PEX5L: variants seen among roughly 807,000 people sequenced by gnomAD.
PEX5L encodes the protein peroxisomal biogenesis factor 5 like.
In PEX5L, 30 loss-of-function variants were observed where a neutral mutation model predicts 84.0. The observed-to-expected ratio is 0.36, with a 90% CI of 0.27 to 0.48. The LOEUF is 0.48. Among genes scored for constraint, PEX5L ranks in the 20% least tolerant of loss-of-function variants. The pLI, the probability that PEX5L is intolerant of heterozygous loss-of-function variation, is 0.99. For synonymous variants in PEX5L, 270 were observed against 283.1 expected, an observed-to-expected ratio of 0.95 and a Z score of 0.46; for missense variants, 533 against 754.6, an observed-to-expected ratio of 0.71 and a Z score of 3.44.
intron 7 of PEX5L, among the ~76,000 whole-genome samples, chr3:179,870,339 C>A (rs757434542): frequency 1.3e-5 from 2 of 152,180 alleles, no homozygotes; most frequent in Admixed American, 6.5e-5. Flanking sequence ...GAGAACACAG[C>A]TTCTTCATCT....
chr3:179,911,375 G>C (rs1382808276), intron 2 of PEX5L, among the ~76,000 whole-genome samples: 7 of 152,128 alleles, frequency 4.6e-5, no homozygotes, highest in Admixed American at 3.9e-4. Flanking sequence ...CAAGGAGTTT[G>C]AGACTCAGAA....
At chr3:179,945,494 A>T (rs767924464) in intron 2 of PEX5L, among the ~76,000 whole-genome samples, 53 of 152,138 alleles carry the variant, frequency 3.5e-4, no homozygotes, top group Non-Finnish European at 6.9e-4. Flanking sequence ...CTACCACTTG[A>T]GGTTGTGATA....
chr3:179,998,910 C>G (rs903758771), intron 1 of PEX5L, among the ~76,000 whole-genome samples: 1 of 152,204 alleles, frequency 6.6e-6, no homozygotes, highest in South Asian at 2.1e-4. Context: ...AGACTAGGGT[C>G]TGGTTCACAG....
At chr3:179,829,862 C>T (rs1438161936) in intron 8 of PEX5L, among the ~76,000 whole-genome samples, 10 of 150,600 alleles carry the variant, frequency 6.6e-5, no homozygotes, top group Admixed American at 4.6e-4. Flanking sequence ...CTGCAACCTC[C>T]ACCTCCCGGG....
Position 180,007,598 on chromosome 3 carries a change from G to T in PEX5L, c.21+28981C>A, listed in dbSNP as rs561708881. On this transcript the variant is annotated intron_variant, in intron 1 of 14. Transcript: ENST00000467460. ...GCCCTAGCAGAAGTTCTCCATGAGG[G>T]CCCTGCCCCTGCAGCAAACTTTTGC... 6.7e-3 allele frequency among the ~76,000 whole-genome samples: 1,022 copies of T among 152,300 alleles called. 4 individuals are homozygous for T. The highest frequency in any genetic ancestry group is 0.011 in the Non-Finnish European group (731 of 68,034).
intron 2 of PEX5L, among the ~76,000 whole-genome samples, chr3:179,944,112 A>T (rs1358231254): frequency 6.6e-6 from 1 of 152,148 alleles, no homozygotes; most frequent in Non-Finnish European, 1.5e-5. Context: ...GGTCATCATG[A>T]TGTCCGGGTA....
intron 11 of PEX5L, among the ~76,000 whole-genome samples, chr3:179,810,569 T>C (rs1411616755): frequency 1.3e-5 from 2 of 152,148 alleles, no homozygotes; most frequent in Non-Finnish European, 2.9e-5. Flanking sequence ...TCTCATCCAG[T>C]AGGTCTACTG....
At chr3:180,035,253 T>C (rs1791799057) in intron 1 of PEX5L, among the ~76,000 whole-genome samples, 3 of 152,202 alleles carry the variant, frequency 2.0e-5, no homozygotes, top group African/African-American at 7.2e-5. Flanking sequence ...TCTTTGTTAA[T>C]TTTTTCAGCA....
At chr3:180,021,875 A>G (rs1418704739) in intron 1 of PEX5L, among the ~76,000 whole-genome samples, 1 of 152,248 alleles carries the variant, frequency 6.6e-6, no homozygotes, top group Non-Finnish European at 1.5e-5. Flanking sequence ...CATTTATTAA[A>G]ACACCAGAAT....
chr3:179,823,140 G>T (rs934816519), intron 8 of PEX5L, among the ~76,000 whole-genome samples: 3 of 152,102 alleles, frequency 2.0e-5, no homozygotes, highest in Non-Finnish European at 4.4e-5. Context: ...CAAAAATCAC[G>T]CACAATCGCA....
chr3:179,995,056 G>A (rs56344144), intron 1 of PEX5L, among the ~76,000 whole-genome samples: 8,984 of 146,162 alleles, frequency 0.061, 331 homozygotes, highest in Non-Finnish European at 0.092. Context: ...ATATATATAT[G>A]TAGTTATATA....
intron 2 of PEX5L, among the ~76,000 whole-genome samples, chr3:179,927,636 C>A (rs767165282): frequency 9.9e-5 from 15 of 151,980 alleles, no homozygotes; most frequent in Admixed American, 3.3e-4. Context: ...TGACTTTTTC[C>A]ATTTCATTTA....
intron 1 of PEX5L, among the ~76,000 whole-genome samples, chr3:180,007,634 A>C (rs770780682): frequency 5.3e-5 from 8 of 152,236 alleles, no homozygotes; most frequent in Non-Finnish European, 1.2e-4. Flanking sequence ...CTGGGCATCC[A>C]GGCATTTCCA....
chr3:179,973,134 T>C, intron 1 of PEX5L: 1 of 1,233,746 alleles, frequency 8.1e-7, no homozygotes, highest in Non-Finnish European at 1.0e-6. Flanking sequence ...GAAGTGCCTT[T>C]CCAAATATTG....
intron 8 of PEX5L, among the ~76,000 whole-genome samples, chr3:179,824,613 G>T (rs1458607001): frequency 6.7e-6 from 1 of 149,920 alleles, no homozygotes; most frequent in Non-Finnish European, 1.5e-5. Context: ...GGCTGAGGCA[G>T]GAGAATCACT....
chr3:179,991,526 C>T (rs1787375825), intron 1 of PEX5L, among the ~76,000 whole-genome samples: 6 of 152,118 alleles, frequency 3.9e-5, no homozygotes, highest in Admixed American at 3.9e-4. Flanking sequence ...CCCCTCTACT[C>T]ATCTCTGGGT....
intron 2 of PEX5L, among the ~76,000 whole-genome samples, chr3:179,954,702 A>G (rs1241636507): frequency 2.0e-5 from 3 of 152,156 alleles, no homozygotes; most frequent in African/African-American, 7.2e-5. Context: ...GGAGGCAGAC[A>G]GACCTGATTT....
At chr3:179,965,047 GTAAGAGTGA>G (rs1356718952) in intron 2 of PEX5L, among the ~76,000 whole-genome samples, 2 of 152,224 alleles carry the variant, frequency 1.3e-5, no homozygotes, top group Non-Finnish European at 2.9e-5. Context: ...TAACCACTGT[GTAAGAGTGA>G]TACACACACA....
chr3:179,907,125 A>T (rs1375861782), intron 2 of PEX5L, among the ~76,000 whole-genome samples: 1 of 152,102 alleles, frequency 6.6e-6, no homozygotes, highest in Non-Finnish European at 1.5e-5. Context: ...GATTCATATG[A>T]TTACCTTTGG....
Sources: allele counts gnomAD v4.1 joint callset (sites outside exome capture counted in the v4.1 genomes callset), GRCh38; gene constraint gnomAD v4.1.1; transcripts MANE v1.5; gene names NCBI Gene and HGNC (gene_info 2026-07-23, HGNC 2026-07-21).